PPARGC1A: variants seen among roughly 807,000 people sequenced by gnomAD.
PPARGC1A encodes the protein peroxisome proliferator-activated receptor gamma coactivator 1-alpha.
A neutral mutation model predicts 88.7 loss-of-function variants in PPARGC1A; 25 were observed. The ratio of observed to expected loss-of-function variants is 0.28; its 90% CI spans 0.21 to 0.39. The LOEUF (loss-of-function observed/expected upper bound fraction) is 0.39, where lower values mean the gene tolerates loss of function less well. Among genes scored for constraint, PPARGC1A ranks in the 10% least tolerant of loss-of-function variants. PPARGC1A has a pLI of 1.00. For synonymous variants in PPARGC1A, 363 were observed against 355.6 expected (o/e 1.02, Z -0.24); for missense variants, 880 against 968.7 (o/e 0.91, Z 1.22).
the PPARGC1A span, among the ~76,000 whole-genome samples, chr4:24,023,045 ACT>A: frequency 6.6e-6 from 1 of 152,184 alleles, no homozygotes; most frequent in Non-Finnish European, 1.5e-5. Flanking sequence ...TTTATAATGT[ACT>A]GTTAATTTCT....
At chr4:23,990,227 GATA>G in the PPARGC1A span, among the ~76,000 whole-genome samples, 5 of 149,128 alleles carry the variant, frequency 3.4e-5, no homozygotes, top group African/African-American at 9.8e-5. Context: ...TATGATAATG[GATA>G]ATAATAACAA....
chr4:24,278,315 AC>A, the PPARGC1A span, among the ~76,000 whole-genome samples: 1 of 152,194 alleles, frequency 6.6e-6, no homozygotes, highest in East Asian at 1.9e-4. Context: ...TGTTATAAGC[AC>A]CCCATCTATA....
chr4:24,100,485 C>A, the PPARGC1A span, among the ~76,000 whole-genome samples: 7 of 152,172 alleles, frequency 4.6e-5, no homozygotes, highest in African/African-American at 1.7e-4. Context: ...AATCACCCAA[C>A]ACCTTCGACA....
chr4:24,305,383 G>A, the PPARGC1A span, among the ~76,000 whole-genome samples: 1 of 151,834 alleles, frequency 6.6e-6, no homozygotes, highest in Admixed American at 6.6e-5. Context: ...TGTGACTTTG[G>A]GCACATTAAT....
chr4:24,181,201 C>A, the PPARGC1A span, among the ~76,000 whole-genome samples: 53 of 152,246 alleles, frequency 3.5e-4, no homozygotes, highest in Middle Eastern at 3.4e-3. Flanking sequence ...ATCACTGTAA[C>A]CAGGAAGTAT....
chr4:24,295,651 G>GT, the PPARGC1A span, among the ~76,000 whole-genome samples: 432 of 150,358 alleles, frequency 2.9e-3, 1 homozygote, highest in Non-Finnish European at 4.2e-3. Flanking sequence ...TATATTCATA[G>GT]TTTTTTGTGT....
chr4:23,822,405 G>A (rs1723166007), intron 7 of PPARGC1A, among the ~76,000 whole-genome samples: 1 of 152,094 alleles, frequency 6.6e-6, no homozygotes, highest in East Asian at 1.9e-4. Context: ...TCCTTTCCAT[G>A]AATCACCTCT....
chr4:23,914,737 C>A, the PPARGC1A span, among the ~76,000 whole-genome samples: 4 of 152,176 alleles, frequency 2.6e-5, no homozygotes, highest in Non-Finnish European at 4.4e-5. Context: ...GCGGCCTGAA[C>A]CTAACATAGC....
the PPARGC1A span, among the ~76,000 whole-genome samples, chr4:24,409,802 CATGA>C: frequency 6.6e-6 from 1 of 152,144 alleles, no homozygotes; most frequent in Non-Finnish European, 1.5e-5. Context: ...TGGGGTTTTA[CATGA>C]CTGCATGTGA....
the PPARGC1A span, among the ~76,000 whole-genome samples, chr4:24,470,281 C>CACACACACACAG: frequency 2.7e-5 from 3 of 109,658 alleles, no homozygotes; most frequent in Non-Finnish European, 6.0e-5. The surrounding 1 kb of genome is among the most constrained non-coding windows in gnomAD (Gnocchi z 5.8). Context: ...GACACAGACA[C>CACACACACACAG]ACACACACAC....
chr4:24,049,711 T>A, the PPARGC1A span, among the ~76,000 whole-genome samples: 10 of 152,134 alleles, frequency 6.6e-5, no homozygotes, highest in South Asian at 4.2e-4. Context: ...AAAAGTCATA[T>A]GTAGATTATT....
the PPARGC1A span, among the ~76,000 whole-genome samples, chr4:24,390,607 C>A: frequency 6.6e-6 from 1 of 152,106 alleles, no homozygotes; most frequent in African/African-American, 2.4e-5. Flanking sequence ...ATATTTTTTA[C>A]GTCATCATAA....
the PPARGC1A span, among the ~76,000 whole-genome samples, chr4:24,306,818 G>A: frequency 1.3e-5 from 2 of 152,220 alleles, 1 homozygote; most frequent in Admixed American, 1.3e-4. Context: ...GGAGGAAGGT[G>A]GAACAGCTAA....
At chr4:24,414,893 G>T in the PPARGC1A span, among the ~76,000 whole-genome samples, 1 of 152,128 alleles carries the variant, frequency 6.6e-6, no homozygotes, top group Non-Finnish European at 1.5e-5. Flanking sequence ...GGCTGACCTT[G>T]ATGATGAAAA....
the PPARGC1A span, among the ~76,000 whole-genome samples, chr4:24,199,962 AC>A: frequency 6.6e-6 from 1 of 152,178 alleles, no homozygotes; most frequent in Admixed American, 6.5e-5. Flanking sequence ...TGAGGGGAAA[AC>A]CTACATATGC....
chr4:23,813,716 C>A lies in PPARGC1A; in HGVS notation c.1767G>T (p.Arg589Ser). Residue 589 changes from arginine to serine, a missense_variant, in exon 8 of 13, where the codon AGG (arginine) becomes AGT (serine). Coordinates refer to ENST00000264867, the MANE Select transcript of PPARGC1A (RefSeq NM_013261.5). ...SRSPYSRSRS[R>S]SPGSRSSSRS... is the part of the protein sequence containing the mutation. ...TTGAAGAGGATCTACTGCCTGGAGA[C>A]CTTGATCTTGACCTGGAATATGGTG... 6.2e-7 allele frequency: 1 copy of A among 1,608,002 alleles called. No homozygotes were observed. Among genetic ancestry groups the A allele is most frequent in the Non-Finnish European group, 8.5e-7 (1 of 1,176,344 alleles).
At chr4:23,963,245 T>C in the PPARGC1A span, among the ~76,000 whole-genome samples, 1 of 152,170 alleles carries the variant, frequency 6.6e-6, no homozygotes, top group South Asian at 2.1e-4. Flanking sequence ...ATATTCATTT[T>C]TCAAATTATT....
At chr4:24,425,619 T>G in the PPARGC1A span, among the ~76,000 whole-genome samples, 1 of 152,208 alleles carries the variant, frequency 6.6e-6, no homozygotes, top group African/African-American at 2.4e-5. Context: ...CTACATAGCA[T>G]GCATACATAT....
At chr4:23,806,871 G>A (rs991332402) in intron 10 of PPARGC1A, among the ~76,000 whole-genome samples, 1 of 152,112 alleles carries the variant, frequency 6.6e-6, no homozygotes, top group African/African-American at 2.4e-5. Context: ...AAAGACAGAA[G>A]GTAGTAGAGA....
Sources: gnomAD v4.1 joint callset for allele counts (sites outside exome capture counted in the v4.1 genomes callset) on GRCh38, gnomAD v4.1.1 for gene constraint, Gnocchi (gnomAD v3.1) non-coding constraint, MANE v1.5 for transcripts, NCBI Gene and HGNC (gene_info 2026-07-23, HGNC 2026-07-21) for gene names.